The following ITSN1 variants were observed in gnomAD, a reference collection of about 807,000 sequenced individuals.
The protein encoded by ITSN1 is intersectin 1, also known as intersectin-1.
Under a neutral mutation model 239.8 loss-of-function variants are expected in ITSN1, and 58 were observed. The ratio of observed to expected loss-of-function variants is 0.24; its 90% CI spans 0.20 to 0.30. The LOEUF (loss-of-function observed/expected upper bound fraction) is 0.30. Among genes scored for constraint, ITSN1 ranks in the 10% least tolerant of loss-of-function variants. The pLI is 1.00. For missense variants in ITSN1, 1,558 were observed against 2,103.3 expected (o/e 0.74, Z 5.07); for synonymous variants, 780 against 770.8 (o/e 1.01, Z -0.20).
At chr21:33,679,628 C>T (rs1474800780) in intron 1 of ITSN1, among the ~76,000 whole-genome samples, 1 of 150,482 alleles carries the variant, frequency 6.6e-6, no homozygotes, top group African/African-American at 2.4e-5. Flanking sequence ...ATCGTATTGA[C>T]AGTTTTTGCC....
chr21:33,892,810 G>C lies in ITSN1; in HGVS notation c.*4510G>C, dbSNP rs1462519117. 6.6e-6 allele frequency: 1 copy of C among 152,032 alleles called. No individual in the cohort carries two copies. The highest frequency in any genetic ancestry group is 1.9e-4 in the East Asian group (1 of 5,194). The allele number at this position is 152,032 out of a possible 1,614,324, so 9.4% of individuals were successfully genotyped here. On this transcript the variant is annotated 3_prime_UTR_variant, in exon 40 of 40. Transcript: ENST00000381318. ...ACAGTGTAATTGCCTACCTGCCTGG[G>C]CCCCTTCTAGAGGAAGGTGGGCTTT...
chr21:33,774,735 A>C lies in ITSN1; in HGVS notation c.1312A>C (p.Lys438Gln). The stretch of plus-strand genomic sequence containing the variant: ...GTCTCTGTAAATGTCACAGGCTGCA[A>C]AACGGGAACTTGAAAGGCAACGACA... ...RKEIERREAA[K>Q]RELERQRQLE... is the part of the protein sequence containing the mutation. Residue 438 changes from lysine to glutamine, a missense_variant, in exon 13 of 40, where the codon AAA (lysine) becomes CAA (glutamine). Lys to Gln is a moderately conservative substitution (Grantham distance 53, BLOSUM62 1). Around this residue, in one of 2 missense-constraint regions of ITSN1, gnomAD observed 982 missense variants for 1,209.9 expected, o/e 0.81. Coordinates refer to ENST00000381318, the MANE Select transcript of ITSN1 (RefSeq NM_003024.3). The C allele has an allele frequency of 6.2e-7, 1 of 1,612,564 alleles. No individual in the cohort carries two copies. The highest frequency in any genetic ancestry group is 2.2e-5 in the East Asian group (1 of 44,860).
rs545959879 is a variant in ITSN1, at chr21:33,771,865, G to A, written c.1043-196G>A. ...AAGGATCTTTTAGAAACAGTGTTTGGCGTGGAGGAGAAGATATAAACAGAG... is the reference window on the plus strand; with the variant it reads ...AAGGATCTTTTAGAAACAGTGTTTGACGTGGAGGAGAAGATATAAACAGAG... On this transcript the variant is annotated intron_variant, in intron 11 of 39. Transcript: ENST00000381318. Among the ~76,000 whole-genome samples, 15 of 152,312 alleles carry A rather than the reference G, an allele frequency of 9.8e-5. No homozygotes were observed. In the East Asian group the frequency reaches 2.9e-3, roughly 29 times the overall value.
At position 33,834,288 on chromosome 21, in the gene ITSN1, G is replaced by A; in HGVS notation, c.3352-19G>A. On this transcript the variant is annotated intron_variant, in intron 27 of 39. Transcript: ENST00000381318. ...AGATGCGCCTTTAAAAATGTTTGAT[G>A]TAATTATTTTCTTACTAGGCACGTG... 1 of 1,571,216 alleles carries A rather than the reference G, an allele frequency of 6.4e-7. No homozygotes were observed. Among genetic ancestry groups the A allele is most frequent in the African/African-American group, 1.3e-5 (1 of 74,156 alleles).
intron 1 of ITSN1, among the ~76,000 whole-genome samples, chr21:33,715,875 A>G (rs116234917): frequency 0.055 from 8,411 of 152,168 alleles, 789 homozygotes; most frequent in African/African-American, 0.19. Context: ...CCAAGATTGC[A>G]CCACTGCACT....
chr21:33,885,296 G>T, intron 37 of ITSN1, 143 bp from the exon 38 acceptor site: 1 of 993,092 alleles, frequency 1.0e-6, no homozygotes. Flanking sequence ...CAAATTCCAG[G>T]AGCAAGGAAG....
At chr21:33,762,270 C>CTT (rs1218226970) in intron 9 of ITSN1, among the ~76,000 whole-genome samples, 2 of 144,340 alleles carry the variant, frequency 1.4e-5, no homozygotes, top group African/African-American at 5.0e-5. Flanking sequence ...ATTTCTTTTT[C>CTT]TTTTTTTTTT....
intron 5 of ITSN1, among the ~76,000 whole-genome samples, chr21:33,743,554 G>T (rs2066995009): frequency 6.6e-6 from 1 of 152,182 alleles, no homozygotes. Context: ...GAATGTATGG[G>T]CAGCAGGAGT....
intron 33 of ITSN1, among the ~76,000 whole-genome samples, chr21:33,874,441 G>C (rs544962471): frequency 3.9e-5 from 6 of 152,112 alleles, no homozygotes; most frequent in African/African-American, 7.2e-5. Context: ...TCCCTGCCCT[G>C]CCCTCCAAGG....
intron 12 of ITSN1, among the ~76,000 whole-genome samples, chr21:33,772,604 A>G (rs1410975576): frequency 6.6e-6 from 1 of 152,140 alleles, no homozygotes; most frequent in African/African-American, 2.4e-5. Context: ...TTTTTTATAA[A>G]TGGAATCATC....
intron 15 of ITSN1, 121 bp from the exon 16 acceptor site, chr21:33,781,873 C>T: frequency 1.0e-6 from 1 of 988,526 alleles, no homozygotes. Context: ...GCCACCGCAC[C>T]CAGCCTTTTC....
At chr21:33,775,948 A>G (rs780201865) in intron 14 of ITSN1, among the ~76,000 whole-genome samples, 1 of 152,142 alleles carries the variant, frequency 6.6e-6, no homozygotes. Flanking sequence ...TCATGTAAAT[A>G]TTGCCTGTGG....
intron 29 of ITSN1, chr21:33,837,932 A>G (rs2074683376): frequency 2.0e-6 from 2 of 985,818 alleles, no homozygotes; most frequent in Non-Finnish European, 2.4e-6. Flanking sequence ...TCTCTGTTAC[A>G]TGAAGTTTTA....
chr21:33,649,704 A>G (rs2088327032), intron 1 of ITSN1, among the ~76,000 whole-genome samples: 2 of 152,152 alleles, frequency 1.3e-5, no homozygotes, highest in Admixed American at 1.3e-4. Context: ...TTTGAATTCA[A>G]GTGAATTCGA....
intron 10 of ITSN1, among the ~76,000 whole-genome samples, chr21:33,766,409 T>C (rs903704637): frequency 3.9e-5 from 6 of 152,146 alleles, no homozygotes; most frequent in Non-Finnish European, 8.8e-5. Context: ...ATGTAGAAAT[T>C]ATAATCAGGA....
chr21:33,681,274 C>G (rs912680424), intron 1 of ITSN1, among the ~76,000 whole-genome samples: 2 of 152,166 alleles, frequency 1.3e-5, no homozygotes, highest in African/African-American at 4.8e-5. Context: ...TGGGGGCAGG[C>G]AGGAAGCTCT....
At chr21:33,806,128 A>G (rs1049869441) in intron 20 of ITSN1, among the ~76,000 whole-genome samples, 16 of 150,206 alleles carry the variant, frequency 1.1e-4, no homozygotes, top group Non-Finnish European at 1.6e-4. Context: ...GGAGAATGGC[A>G]TGAACCCGGG....
At chr21:33,656,613 G>A (rs774472094) in intron 1 of ITSN1, among the ~76,000 whole-genome samples, 5 of 152,124 alleles carry the variant, frequency 3.3e-5, no homozygotes, top group Non-Finnish European at 5.9e-5. Context: ...TTGGCTCACT[G>A]CAACCTCTAC....
intron 11 of ITSN1, among the ~76,000 whole-genome samples, chr21:33,768,866 C>T (rs2068910114): frequency 1.3e-5 from 2 of 152,186 alleles, no homozygotes; most frequent in South Asian, 4.1e-4. Flanking sequence ...TACGTGCAAG[C>T]CTGCATGTTG....
Sources: gnomAD v4.1 joint callset for allele counts (sites outside exome capture counted in the v4.1 genomes callset) on GRCh38, gnomAD v4.1.1 for gene constraint, gnomAD v4.1.1 regional missense constraint, MANE v1.5 for transcripts, NCBI Gene and HGNC (gene_info 2026-07-23, HGNC 2026-07-21) for gene names.